Variants in ACYP2 observed in about 807,000 individuals in gnomAD.
ACYP2 encodes the protein acylphosphatase-2.
Under a neutral mutation model 11.2 loss-of-function variants are expected in ACYP2, and 12 were observed. That is an observed-to-expected ratio of 1.08 (90% CI 0.69 to 1.74). The LOEUF (loss-of-function observed/expected upper bound fraction) is 1.74, where lower values mean the gene tolerates loss of function less well. Among genes scored for constraint, ACYP2 ranks in the 40% most tolerant of loss-of-function variants. ACYP2 has a pLI of 0.00. For missense variants in ACYP2, 134 were observed against 101.9 expected, an observed-to-expected ratio of 1.31 and a Z score of -1.35; for synonymous variants, 43 against 32.2, an observed-to-expected ratio of 1.33 and a Z score of -1.13.
chr2:54,053,529 ACTCT>A (rs1194478130), intron 3 of ACYP2, among the ~76,000 whole-genome samples: 1 of 151,754 alleles, frequency 6.6e-6, no homozygotes, highest in Non-Finnish European at 1.5e-5. Flanking sequence ...TGGCTCTGTG[ACTCT>A]CTCTGTACCA....
chr2:54,069,669 CAAAAAACAA>C (rs1676926007), intron 4 of ACYP2, among the ~76,000 whole-genome samples: 1 of 151,236 alleles, frequency 6.6e-6, no homozygotes, highest in South Asian at 2.1e-4. Context: ...CTCAAAAAAA[CAAAAAACAA>C]AAAAAACAAA....
chr2:54,019,457 A>G (rs1488074574), intron 2 of ACYP2, among the ~76,000 whole-genome samples: 1 of 148,352 alleles, frequency 6.7e-6, no homozygotes. Context: ...GTTCATTGCA[A>G]CCTCGACCTC....
rs151070483 is a variant in ACYP2 at position 54,268,388 on chromosome 2, G to A, written c.405-36300G>A. 5.9e-5 allele frequency among the ~76,000 whole-genome samples: 9 copies of A among 152,242 alleles called. No homozygotes were observed. In the East Asian group the frequency reaches 1.5e-3, roughly 26 times the overall value. On this transcript the variant is annotated intron_variant, in intron 6 of 6. Transcript: ENST00000607452. The stretch of plus-strand genomic sequence containing the variant: ...GTGTGGTGATTAAGGAAACCTGGTC[G>A]ATTTATTTATACACTATTCCATTCC...
chr2:54,260,086 G>A (rs1008100640), intron 6 of ACYP2, among the ~76,000 whole-genome samples: 2 of 152,168 alleles, frequency 1.3e-5, no homozygotes, highest in Admixed American at 6.5e-5. Flanking sequence ...GTGGAATCTA[G>A]TACCTAAGTG....
chr2:54,181,427 A>C (rs2103869167), intron 6 of ACYP2, among the ~76,000 whole-genome samples: 1 of 152,294 alleles, frequency 6.6e-6, no homozygotes, highest in East Asian at 1.9e-4. Context: ...CTTGCTGAAC[A>C]CCATGACAGG....
intron 6 of ACYP2, among the ~76,000 whole-genome samples, chr2:54,190,279 T>C (rs1684187624): frequency 6.6e-6 from 1 of 152,176 alleles, no homozygotes; most frequent in Non-Finnish European, 1.5e-5. Context: ...AGTCTCATCC[T>C]TTAAAACAAA....
At chr2:54,074,302 G>A (rs1677212292) in intron 4 of ACYP2, among the ~76,000 whole-genome samples, 1 of 152,064 alleles carries the variant, frequency 6.6e-6, no homozygotes, top group Non-Finnish European at 1.5e-5. Flanking sequence ...CTATGATTGG[G>A]CCACTACACT....
intron 6 of ACYP2, among the ~76,000 whole-genome samples, chr2:54,219,708 T>C (rs1420696737): frequency 1.3e-5 from 2 of 151,866 alleles, no homozygotes; most frequent in African/African-American, 4.8e-5. Context: ...AACCTCCACC[T>C]CCTGGGTTCA....
At chr2:54,023,995 G>C (rs1194929327) in intron 2 of ACYP2, among the ~76,000 whole-genome samples, 1 of 152,094 alleles carries the variant, frequency 6.6e-6, no homozygotes, top group Non-Finnish European at 1.5e-5. Context: ...AACAAAAAAA[G>C]AAAATACAGA....
intron 6 of ACYP2, chr2:54,256,360 T>G (rs1179502658): frequency 1.7e-6 from 1 of 584,924 alleles, no homozygotes; most frequent in African/African-American, 1.9e-5. Flanking sequence ...ATTTTAGCCA[T>G]CGTGCTGGAT....
At position 54,138,718 on chromosome 2, in the gene ACYP2, T is replaced by C. The variant is rs763333498; in HGVS notation, c.374T>C (p.Val125Ala). Residue 125 changes from valine to alanine, a missense_variant, in exon 6 of 7, where the codon GTG becomes GCG. Val to Ala is a moderately conservative substitution (Grantham distance 64). Transcript: ENST00000607452. Reference sequence around the variant, plus strand: ...AGCAAAGGCACCGTGACAGGCCAAGTGCAGGGGCCAGAAGACAAAGTCAAT... The same window carrying C: ...AGCAAAGGCACCGTGACAGGCCAAGCGCAGGGGCCAGAAGACAAAGTCAAT... 2 of 1,614,084 alleles carry C rather than the reference T, an allele frequency of 1.2e-6. No homozygotes were observed. The highest frequency in any genetic ancestry group is 1.3e-5 in the African/African-American group (1 of 75,046).
At chr2:54,050,776 T>A (rs1439577328) in intron 2 of ACYP2, among the ~76,000 whole-genome samples, 1 of 152,078 alleles carries the variant, frequency 6.6e-6, no homozygotes, top group Non-Finnish European at 1.5e-5. Context: ...TTTTTAAAAT[T>A]TTATTTATTT....
At chr2:54,063,994 T>G (rs73935035) in intron 4 of ACYP2, among the ~76,000 whole-genome samples, 2,601 of 152,270 alleles carry the variant, frequency 0.017, 70 homozygotes, top group African/African-American at 0.057. Flanking sequence ...CAGTGGATGC[T>G]TTTCTTTTTC....
intron 2 of ACYP2, chr2:54,029,789 A>G: frequency 1.7e-6 from 1 of 584,544 alleles, no homozygotes; most frequent in South Asian, 1.5e-5. Context: ...CAGTTTAGCC[A>G]TGGTGACACT....
intron 6 of ACYP2, among the ~76,000 whole-genome samples, chr2:54,199,654 C>T (rs192082027): frequency 9.2e-5 from 14 of 152,272 alleles, no homozygotes; most frequent in Non-Finnish European, 4.4e-5. Context: ...TGACTTACTT[C>T]TAGGCTTATT....
intron 6 of ACYP2, among the ~76,000 whole-genome samples, chr2:54,219,799 G>GTT (rs1685704507): frequency 1.4e-5 from 2 of 141,706 alleles, no homozygotes; most frequent in Non-Finnish European, 1.5e-5. Context: ...TTATGTGTGT[G>GTT]TGTGTGTGTG....
At chr2:54,172,105 TACTCAGGAGGCTGAGGCAGG>T (rs1455606256) in intron 6 of ACYP2, among the ~76,000 whole-genome samples, 4 of 152,106 alleles carry the variant, frequency 2.6e-5, no homozygotes. Context: ...TAGTCTCAGC[TACTCAGGAGGCTGAGGCAGG>T]AAGGATCCCT....
intron 4 of ACYP2, among the ~76,000 whole-genome samples, chr2:54,098,803 CT>C (rs1204298553): frequency 2.0e-5 from 3 of 151,552 alleles, no homozygotes; most frequent in Non-Finnish European, 4.4e-5. Flanking sequence ...TCATAGCTCA[CT>C]GCAGCCTCAA....
chr2:54,177,425 G>C (rs1683507906), intron 6 of ACYP2, among the ~76,000 whole-genome samples: 1 of 152,250 alleles, frequency 6.6e-6, no homozygotes, highest in Non-Finnish European at 1.5e-5. Context: ...CCTAGGAATG[G>C]AAATAGCTCC....
Sources: gnomAD v4.1 joint callset for allele counts (sites outside exome capture counted in the v4.1 genomes callset) on GRCh38, gnomAD v4.1.1 for gene constraint, MANE v1.5 for transcripts, NCBI Gene and HGNC (gene_info 2026-07-23, HGNC 2026-07-21) for gene names.